The following FREM1 variants were observed in gnomAD, a reference collection of about 807,000 sequenced individuals.
FREM1 encodes FRAS1-related extracellular matrix protein 1.
Under a neutral mutation model 210.1 loss-of-function variants are expected in FREM1, and 220 were observed. The observed-to-expected ratio is 1.05, with a 90% CI of 0.94 to 1.17. The LOEUF (loss-of-function observed/expected upper bound fraction) is 1.17, where lower values mean the gene tolerates loss of function less well. FREM1 is among the 50% of genes most tolerant of loss of function. The probability of loss-of-function intolerance (pLI) is 0.00; values close to 1 mark genes in which losing one functional copy is unlikely to be tolerated. For missense variants in FREM1, 3,454 were observed against 2,675.5 expected (o/e 1.29, Z -6.42); for synonymous variants, 1,189 against 980.2 (o/e 1.21, Z -3.98).
At position 14,841,127 on chromosome 9, in the gene FREM1, C is replaced by G. The variant is rs74825752; in HGVS notation, c.1881+320G>C. ...AAACTCATGCAACCTAACTCTAGAG[C>G]CTATAATTTAATCACCACATATAAA... On this transcript the variant is annotated intron_variant, in intron 10 of 36. Transcript: ENST00000380880. 8.0e-3 allele frequency among the ~76,000 whole-genome samples: 1,224 copies of G among 152,260 alleles called. 17 individuals are homozygous for G. Among genetic ancestry groups the G allele is most frequent in the African/African-American group, 0.028 (1,159 of 41,530 alleles).
chr9:14,740,320 T>G (rs142412464), intron 35 of FREM1, 86 bp from the exon 36 acceptor site: 2 of 985,406 alleles, frequency 2.0e-6, no homozygotes, highest in African/African-American at 3.2e-5. Flanking sequence ...TAAAAGTAAG[T>G]TTAAAATACA....
At chr9:14,797,733 G>A (rs966819516) in intron 20 of FREM1, 91 bp from the exon 21 acceptor site, 5 of 1,102,136 alleles carry the variant, frequency 4.5e-6, no homozygotes, top group Non-Finnish European at 6.7e-6. Context: ...TCAAGGCAGG[G>A]GTATTAGCAA....
intron 1 of FREM1, among the ~76,000 whole-genome samples, chr9:14,896,989 C>G (rs569389371): frequency 6.6e-6 from 1 of 152,292 alleles, no homozygotes; most frequent in South Asian, 2.1e-4. Flanking sequence ...GATCAACCAC[C>G]ATGAATATTT....
In FREM1 at chr9:14,846,032, C is replaced by G. The variant is rs201154402; in HGVS notation, c.1321G>C (p.Asp441His). ...AITWEQFQVVDNDDIGAVRLV... is the reference protein window; with the variant it reads ...AITWEQFQVVHNDDIGAVRLV... ...CGGACAGCACCAATGTCGTCATTGT[C>G]GACAACCTGAAACTGTTCCCAAGTG... Residue 441 changes from aspartate to histidine, a missense_variant, in exon 8 of 37, where the codon GAC becomes CAC. By Grantham distance (81) the Asp-to-His change is moderately conservative. Coordinates refer to ENST00000380880, the MANE Select transcript of FREM1 (RefSeq NM_001379081.2). 10 of 1,610,242 alleles carry G rather than the reference C, an allele frequency of 6.2e-6. No individual in the cohort carries two copies. Among genetic ancestry groups the G allele is most frequent in the East Asian group, 2.2e-5 (1 of 44,718 alleles).
At chr9:14,825,480 C>G (rs1242268679) in intron 10 of FREM1, among the ~76,000 whole-genome samples, 4 of 124,414 alleles carry the variant, frequency 3.2e-5, no homozygotes, top group Non-Finnish European at 6.4e-5. Context: ...AAGAATGAGA[C>G]TCCATTTCAA....
chr9:14,827,448 C>T (rs1403373560), intron 10 of FREM1, among the ~76,000 whole-genome samples: 1 of 152,198 alleles, frequency 6.6e-6, no homozygotes, highest in Admixed American at 6.5e-5. Context: ...GAGCACGTTG[C>T]ATGGCTTTTC....
rs140749483 is a variant in FREM1, at chr9:14,776,109, T to C, written c.4537A>G (p.Lys1513Glu). Reference protein sequence around the residue: ...DRALPVVTRNKGLRLAQGAVG... With the variant: ...DRALPVVTRNEGLRLAQGAVG... ...GCCCCTTGGGCCAGTCTCAACCCCTTGTTCCTGGTTACCACAGGCAGGGCT... is the reference window on the plus strand; with the variant it reads ...GCCCCTTGGGCCAGTCTCAACCCCTCGTTCCTGGTTACCACAGGCAGGGCT... The change falls in exon 25 of 37, where the codon AAG (lysine) becomes GAG (glutamate). Residue 1513 changes from lysine to glutamate, a missense_variant. Physicochemically the swap from Lys to Glu is moderately conservative, Grantham distance 56. Coordinates refer to ENST00000380880, the MANE Select transcript of FREM1 (RefSeq NM_001379081.2). 17 of 1,602,298 alleles carry C rather than the reference T, an allele frequency of 1.1e-5. No individual in the cohort carries two copies. In the African/African-American group the frequency reaches 2.1e-4, roughly 20 times the overall value.
intron 5 of FREM1, among the ~76,000 whole-genome samples, chr9:14,855,584 CAT>C (rs34454386): frequency 0.071 from 10,855 of 152,076 alleles, 486 homozygotes; most frequent in East Asian, 0.13. Flanking sequence ...CACTCATGCA[CAT>C]GTGTGTGTAT....
At chr9:14,768,618 C>T (rs1226056941) in intron 27 of FREM1, among the ~76,000 whole-genome samples, 1 of 152,084 alleles carries the variant, frequency 6.6e-6, no homozygotes, top group Non-Finnish European at 1.5e-5. Flanking sequence ...CCAGGCTCTG[C>T]ATTTTATCGA....
intron 8 of FREM1, among the ~76,000 whole-genome samples, chr9:14,845,680 T>C (rs984355339): frequency 2.0e-5 from 3 of 152,120 alleles, no homozygotes; most frequent in Non-Finnish European, 4.4e-5. Flanking sequence ...AAATAACTAG[T>C]TAAGGAGTAT....
At chr9:14,764,459 T>C (rs1049585709) in intron 27 of FREM1, among the ~76,000 whole-genome samples, 6 of 152,218 alleles carry the variant, frequency 3.9e-5, no homozygotes, top group Admixed American at 1.3e-4. Context: ...TCTTTGACTA[T>C]TGTTAGGCTT....
In FREM1 at chr9:14,784,399, G is replaced by C. The variant is rs759460135; in HGVS notation, c.4413C>G (p.Ser1471Arg). Reference sequence around the variant, plus strand: ...ATCTGTCACTGGAGACAGTCACCTTGCTCTTGTGTACATAGCAAACTGTCT... The same window carrying C: ...ATCTGTCACTGGAGACAGTCACCTTCCTCTTGTGTACATAGCAAACTGTCT... The part of the protein sequence containing the change: ...VGQTVCYVHK[S>R]KVTVSSDRFR... The change falls in exon 24 of 37, where the codon AGC becomes AGG. Residue 1471 changes from serine (S) to arginine (R), a missense_variant. Ser to Arg is a moderately radical substitution (Grantham distance 110). Transcript: ENST00000380880. The C allele has an allele frequency of 3.7e-6, 6 of 1,613,720 alleles. No individual in the cohort carries two copies. Among genetic ancestry groups the C allele is most frequent in the African/African-American group, 1.3e-5 (1 of 75,034 alleles).
intron 10 of FREM1, among the ~76,000 whole-genome samples, chr9:14,835,485 C>G (rs1006641788): frequency 1.3e-5 from 2 of 152,184 alleles, no homozygotes; most frequent in African/African-American, 2.4e-5. Context: ...TCGACATGTA[C>G]AGCCAATTAA....
At chr9:14,842,774 C>G in intron 8 of FREM1, 114 bp from the exon 9 acceptor site, 1 of 711,024 alleles carries the variant, frequency 1.4e-6, no homozygotes, top group Non-Finnish European at 2.3e-6. Context: ...GCCCGTATTT[C>G]CCTCACCTGG....
chr9:14,763,211 G>A (rs911221751), intron 27 of FREM1, among the ~76,000 whole-genome samples: 7 of 152,136 alleles, frequency 4.6e-5, no homozygotes, highest in Admixed American at 3.3e-4. Flanking sequence ...TCTTTGTTGC[G>A]GGAGGCTGTC....
Position 14,756,424 on chromosome 9 carries a change from A to G in FREM1, c.5357T>C (p.Val1786Ala), listed in dbSNP as rs1390792437. 1 of 1,600,312 alleles carries G rather than the reference A, an allele frequency of 6.2e-7. No individual in the cohort carries two copies. Among genetic ancestry groups the G allele is most frequent in the Non-Finnish European group, 8.5e-7 (1 of 1,172,990 alleles). ...TGGAATCACGGTGAAATCTTTTCCA[A>G]CTGCAGCTGACACTTGGTTGACCTT... ...GIKVNQVSAA[V>A]GKDFTVIPSK... The change falls in exon 29 of 37, where the codon GTT becomes GCT. Residue 1786 changes from valine (V) to alanine (A), a missense_variant. Coordinates refer to ENST00000380880, the MANE Select transcript of FREM1 (RefSeq NM_001379081.2).
At position 14,857,813 on chromosome 9, in the gene FREM1, C is replaced by T; in HGVS notation, c.632-64G>A. 3.3e-6 allele frequency: 4 copies of T among 1,200,484 alleles called. No homozygotes were observed. In the South Asian group the frequency reaches 6.1e-5, roughly 18 times the overall value. 74.4% of individuals were successfully genotyped at this position (1,200,484 alleles called of 1,614,324 possible). ...CATAACAATTGTAAAATTTAGAAAC[C>T]AGTACTCCGTCCCATGAATACTTAT... On this transcript the variant is annotated intron_variant, in intron 4 of 36. Transcript: ENST00000380880.
intron 27 of FREM1, among the ~76,000 whole-genome samples, chr9:14,766,219 G>T (rs930131147): frequency 6.6e-6 from 1 of 152,184 alleles, no homozygotes; most frequent in Non-Finnish European, 1.5e-5. Context: ...AAAACACTTA[G>T]CACAGTGCCT....
chr9:14,791,057 A>C lies in FREM1; in HGVS notation c.3981+1686T>G, dbSNP rs545781429. On this transcript the variant is annotated intron_variant, in intron 22 of 36. Transcript: ENST00000380880. ...CTAGGACTGTGCCTCCACTAGATGG[A>C]AAGTTAAGCATTCCATCAAATAATT... is the stretch of plus-strand genomic sequence containing the variant. 2.0e-5 allele frequency: 3 copies of C among 152,358 alleles called. No individual in the cohort carries two copies. In the South Asian group the frequency reaches 6.2e-4, roughly 32 times the overall value. 9.4% of individuals were successfully genotyped at this position (152,358 alleles called of 1,614,324 possible). A position where few individuals can be genotyped will look rare whatever the true frequency, so the allele number is the denominator to read the frequency against.
Sources: gnomAD v4.1 joint callset for allele counts (sites outside exome capture counted in the v4.1 genomes callset) on GRCh38, gnomAD v4.1.1 for gene constraint, MANE v1.5 for transcripts, NCBI Gene and HGNC (gene_info 2026-07-23, HGNC 2026-07-21) for gene names.